The following TLR6 variants were observed in gnomAD, a reference collection of about 807,000 sequenced individuals.
TLR6 encodes toll like receptor 6, also known as toll-like receptor 6.
A neutral mutation model predicts 16.1 loss-of-function variants in TLR6; 9 were observed. That is an observed-to-expected ratio of 0.56 (90% CI 0.34 to 0.98). The LOEUF is 0.98. Ranked by LOEUF, TLR6 falls within the 50% of genes least tolerant of loss-of-function variation. TLR6 has a pLI of 0.02. For synonymous variants in TLR6, 340 were observed against 338.6 expected (o/e 1.00, Z -0.04); for missense variants, 786 against 921.0 (o/e 0.85, Z 1.90).
chr4:38,858,811 GA>G (rs1453262472), upstream of TLR6, among the ~76,000 whole-genome samples: 365 of 108,204 alleles, frequency 3.4e-3, 6 homozygotes, highest in Non-Finnish European at 5.0e-3. Context: ...GAGAGAGAGA[GA>G]GGGAGAGAGA....
chr4:38,851,726 T>G (rs1325072142), intron 1 of TLR6, among the ~76,000 whole-genome samples: 1 of 152,032 alleles, frequency 6.6e-6, no homozygotes, highest in Admixed American at 6.6e-5. Context: ...CACTGCTCAA[T>G]GAAATAAAAG....
chr4:38,840,404 C>T (rs1262974931), intron 1 of TLR6, among the ~76,000 whole-genome samples: 3 of 151,964 alleles, frequency 2.0e-5, no homozygotes, highest in Non-Finnish European at 4.4e-5. Context: ...GAGGCTGAGG[C>T]CCATGGATCA....
chr4:38,844,126 C>A (rs1188541305), intron 1 of TLR6, among the ~76,000 whole-genome samples: 1 of 152,176 alleles, frequency 6.6e-6, no homozygotes, highest in Non-Finnish European at 1.5e-5. Context: ...TGGACACTAC[C>A]AGGTAAGAGC....
intron 1 of TLR6, among the ~76,000 whole-genome samples, chr4:38,832,666 C>A (rs1043213714): frequency 2.6e-5 from 4 of 152,174 alleles, no homozygotes; most frequent in Admixed American, 2.6e-4. Context: ...CCCTGAATCT[C>A]CACACCCCTG....
chr4:38,846,118 G>T (rs899068819), intron 1 of TLR6, among the ~76,000 whole-genome samples: 2 of 146,818 alleles, frequency 1.4e-5, no homozygotes, highest in Non-Finnish European at 3.0e-5. Context: ...GAAAAGAAAA[G>T]AAAATTAGTA....
chr4:38,842,440 G>A (rs1032381878), intron 1 of TLR6, among the ~76,000 whole-genome samples: 9 of 152,188 alleles, frequency 5.9e-5, no homozygotes, highest in South Asian at 2.1e-4. Flanking sequence ...GTGGTCATTT[G>A]TGCCTTGCTG....
the TLR6 span, chr4:38,868,192 C>T: frequency 3.5e-5 from 7 of 198,936 alleles, no homozygotes; most frequent in Non-Finnish European, 6.6e-5. Flanking sequence ...GTATCCAGTC[C>T]TGGCACCAAG....
downstream of TLR6, among the ~76,000 whole-genome samples, chr4:38,823,028 G>A (rs1052492862): frequency 1.3e-5 from 2 of 152,150 alleles, no homozygotes; most frequent in Non-Finnish European, 2.9e-5. Context: ...CTTGTGCAGG[G>A]AAACTCCCCC....
intron 1 of TLR6, among the ~76,000 whole-genome samples, chr4:38,852,945 G>A (rs966406118): frequency 6.6e-5 from 10 of 151,990 alleles, no homozygotes; most frequent in Non-Finnish European, 1.2e-4. Flanking sequence ...TGTTTATTGT[G>A]GCACTATTCA....
chr4:38,828,028 G>A, exon 2 of TLR6: 1 of 1,614,170 alleles, frequency 6.2e-7, no homozygotes, highest in East Asian at 2.2e-5. Flanking sequence ...TTAAAGAATT[G>A]AAAGCAACAT....
intron 1 of TLR6, among the ~76,000 whole-genome samples, chr4:38,835,513 A>G (rs1363816682): frequency 1.3e-5 from 2 of 152,238 alleles, no homozygotes; most frequent in African/African-American, 4.8e-5. Flanking sequence ...ACTCCAATAC[A>G]ATAATGGTTG....
exon 2 of TLR6, chr4:38,827,866 C>T: frequency 6.2e-7 from 1 of 1,614,210 alleles, no homozygotes; most frequent in Non-Finnish European, 8.5e-7. Context: ...ATTCTCTTAG[C>T]TCACAGGTAC....
At chr4:38,841,128 A>G (rs1444033378) in intron 1 of TLR6, among the ~76,000 whole-genome samples, 1 of 152,030 alleles carries the variant, frequency 6.6e-6, no homozygotes, top group Non-Finnish European at 1.5e-5. Flanking sequence ...TATTTTTTAC[A>G]ATTTGCTATG....
chr4:38,830,045 G>A (rs551359146), intron 1 of TLR6, among the ~76,000 whole-genome samples: 14 of 152,278 alleles, frequency 9.2e-5, no homozygotes, highest in East Asian at 5.8e-4. Flanking sequence ...GTCCACTCAC[G>A]TGCCCAAGGC....
chr4:38,838,930 AAGGAAGGAAGGAAGGG>A, intron 1 of TLR6, among the ~76,000 whole-genome samples: 1 of 121,654 alleles, frequency 8.2e-6, no homozygotes, highest in African/African-American at 3.8e-5. Flanking sequence ...GGAGGGAGGG[AAGGAAGGAAGGAAGGG>A]AGGAAGGAAG....
intron 1 of TLR6, among the ~76,000 whole-genome samples, chr4:38,853,515 G>A (rs1179813985): frequency 6.6e-6 from 1 of 152,190 alleles, no homozygotes; most frequent in Non-Finnish European, 1.5e-5. Flanking sequence ...GACTGTCAAT[G>A]TGGAAAGCCA....
chr4:38,832,155 T>C (rs1468878124), intron 1 of TLR6, among the ~76,000 whole-genome samples: 1 of 152,166 alleles, frequency 6.6e-6, no homozygotes, highest in East Asian at 1.9e-4. Context: ...AATAAAATAC[T>C]ATTGAACAAT....
intron 1 of TLR6, among the ~76,000 whole-genome samples, chr4:38,844,915 C>G (rs778142599): frequency 7.2e-5 from 11 of 152,006 alleles, no homozygotes; most frequent in Non-Finnish European, 1.3e-4. Context: ...AAAAATTAGC[C>G]AGGCGTGGTG....
chr4:38,829,562 T>C, intron 1 of TLR6, 25 bp from the exon 2 acceptor site: 1 of 760,036 alleles, frequency 1.3e-6, no homozygotes, highest in Admixed American at 2.4e-5. Flanking sequence ...TACACTAAGA[T>C]TAATAAAGAT....
Sources: gnomAD v4.1 joint callset for allele counts (sites outside exome capture counted in the v4.1 genomes callset) on GRCh38, gnomAD v4.1.1 for gene constraint, MANE v1.5 for transcripts, NCBI Gene and HGNC (gene_info 2026-07-23, HGNC 2026-07-21) for gene names.